The following FBXL17 variants were observed in gnomAD, a reference collection of about 807,000 sequenced individuals.
The protein encoded by FBXL17 is F-box and leucine rich repeat protein 17, also known as F-box/LRR-repeat protein 17.
A neutral mutation model predicts 66.2 loss-of-function variants in FBXL17; 22 were observed. That is an observed-to-expected ratio of 0.33 (90% CI 0.24 to 0.47). FBXL17 has a LOEUF of 0.47. FBXL17 is among the 20% of genes least tolerant of loss of function. FBXL17 has a pLI of 1.00. For missense variants in FBXL17, 878 were observed against 948.2 expected, an observed-to-expected ratio of 0.93 and a Z score of 0.97; for synonymous variants, 474 against 400.5, an observed-to-expected ratio of 1.18 and a Z score of -2.19.
At chr5:108,079,679 T>C (rs557973255) in intron 6 of FBXL17, among the ~76,000 whole-genome samples, 1 of 152,268 alleles carries the variant, frequency 6.6e-6, no homozygotes, top group East Asian at 1.9e-4. Flanking sequence ...ATAACCAATG[T>C]AGTTATAAAA....
chr5:107,922,251 T>C (rs533983188), intron 7 of FBXL17, among the ~76,000 whole-genome samples: 13 of 152,302 alleles, frequency 8.5e-5, no homozygotes, highest in African/African-American at 2.9e-4. Context: ...TACATTACAA[T>C]GTCTGAAAAA....
intron 7 of FBXL17, among the ~76,000 whole-genome samples, chr5:108,007,674 T>A (rs528342248): frequency 2.0e-4 from 31 of 152,174 alleles, no homozygotes; most frequent in Non-Finnish European, 4.3e-4. Flanking sequence ...CTACTAAATA[T>A]CAAGACCACA....
chr5:107,976,284 A>T (rs990168610), intron 7 of FBXL17, among the ~76,000 whole-genome samples: 4 of 152,216 alleles, frequency 2.6e-5, no homozygotes, highest in African/African-American at 9.6e-5. Context: ...CCTCAAACTA[A>T]CAATTACTGA....
chr5:108,369,677 T>C (rs1195915783), intron 1 of FBXL17, among the ~76,000 whole-genome samples: 1 of 151,716 alleles, frequency 6.6e-6, no homozygotes, highest in Non-Finnish European at 1.5e-5. Context: ...AGTTACATCA[T>C]AAAAAGATGG....
At chr5:108,046,554 T>C (rs372780762) in intron 6 of FBXL17, among the ~76,000 whole-genome samples, 1 of 152,212 alleles carries the variant, frequency 6.6e-6, no homozygotes, top group African/African-American at 2.4e-5. Context: ...TGGGGTTACA[T>C]GAACATTTTT....
intron 5 of FBXL17, among the ~76,000 whole-genome samples, chr5:108,207,616 T>A (rs533649862): frequency 6.6e-6 from 1 of 152,240 alleles, no homozygotes; most frequent in Non-Finnish European, 1.5e-5. Flanking sequence ...AGAATGATGG[T>A]TTGCAGTTTC....
At chr5:108,019,058 G>A (rs575765772) in intron 7 of FBXL17, among the ~76,000 whole-genome samples, 37 of 152,218 alleles carry the variant, frequency 2.4e-4, no homozygotes, top group African/African-American at 8.9e-4. Flanking sequence ...GGAAAGGAAA[G>A]GTGGCAGAAA....
chr5:108,123,051 G>A lies in FBXL17; in HGVS notation c.1745+63066C>T, dbSNP rs144303248. Among the ~76,000 whole-genome samples the A allele has an allele frequency of 9.7e-4, 145 of 150,254 alleles. 3 individuals carry two copies. In the East Asian group the frequency reaches 0.027, roughly 28 times the overall value. On this transcript the variant is annotated intron_variant, in intron 6 of 8. Transcript: ENST00000542267. ...TGTGATTTTTACTTTTTATTCTTTG[G>A]CTGCATATAAAATCTCCTACTTCTC...
chr5:108,269,891 G>T (rs1757196332), intron 4 of FBXL17, among the ~76,000 whole-genome samples: 1 of 151,894 alleles, frequency 6.6e-6, no homozygotes, highest in African/African-American at 2.4e-5. Flanking sequence ...TAAAACCTAG[G>T]TACTGCCCTA....
rs1013349887 is a variant in FBXL17 at position 108,290,610 on chromosome 5, T to A, written c.1506+57789A>T. 3.9e-5 allele frequency among the ~76,000 whole-genome samples: 6 copies of A among 152,178 alleles called. No individual in the cohort carries two copies. The East Asian group carries it at 1.2e-3, about 29-fold the overall frequency. On this transcript the variant is annotated intron_variant, in intron 4 of 8. Coordinates refer to ENST00000542267, the MANE Select transcript of FBXL17 (RefSeq NM_001163315.3). The stretch of plus-strand genomic sequence containing the variant: ...TTAATGGATTAATTTTGGGGGACTT[T>A]CTATTCAATCACAGAAATTACAGAA...
chr5:108,101,319 C>T (rs1749590766), intron 6 of FBXL17, among the ~76,000 whole-genome samples: 1 of 152,208 alleles, frequency 6.6e-6, no homozygotes, highest in African/African-American at 2.4e-5. Context: ...TCTCATTGAA[C>T]AATGCCATGG....
At chr5:108,221,336 T>C (rs1043425201) in intron 5 of FBXL17, among the ~76,000 whole-genome samples, 2 of 152,166 alleles carry the variant, frequency 1.3e-5, no homozygotes. Context: ...TCTAACCTAC[T>C]AAATTAGACT....
intron 6 of FBXL17, among the ~76,000 whole-genome samples, chr5:108,026,358 A>G (rs184268889): frequency 2.7e-4 from 41 of 152,340 alleles, no homozygotes; most frequent in Admixed American, 4.6e-4. Context: ...GGAACATGAC[A>G]GATGGTATCA....
chr5:108,214,060 G>C (rs1051416382), intron 5 of FBXL17, among the ~76,000 whole-genome samples: 1 of 152,148 alleles, frequency 6.6e-6, no homozygotes, highest in Non-Finnish European at 1.5e-5. Context: ...TACTTTGAAG[G>C]GGTGGGGAGA....
At chr5:108,011,578 C>A (rs1277033914) in intron 7 of FBXL17, among the ~76,000 whole-genome samples, 1 of 152,040 alleles carries the variant, frequency 6.6e-6, no homozygotes. Flanking sequence ...CCAAGGCGTA[C>A]AGGTCACTTG....
chr5:108,076,372 G>T (rs1358512023), intron 6 of FBXL17, among the ~76,000 whole-genome samples: 1 of 152,074 alleles, frequency 6.6e-6, no homozygotes, highest in African/African-American at 2.4e-5. Context: ...GTTTGTATCT[G>T]TTATATAATT....
At chr5:107,985,318 A>G (rs148562994) in intron 7 of FBXL17, among the ~76,000 whole-genome samples, 73 of 152,330 alleles carry the variant, frequency 4.8e-4, no homozygotes, top group African/African-American at 1.7e-3. Flanking sequence ...AGCATGCCAC[A>G]TCTAAGGATG....
At chr5:107,994,058 CAT>C (rs1430712131) in intron 7 of FBXL17, among the ~76,000 whole-genome samples, 2 of 152,014 alleles carry the variant, frequency 1.3e-5, no homozygotes, top group African/African-American at 2.4e-5. Flanking sequence ...ATTAATTCTA[CAT>C]GTTTTAAAAT....
chr5:108,355,261 T>A (rs1228100500), intron 3 of FBXL17, among the ~76,000 whole-genome samples: 1 of 21,888 alleles, frequency 4.6e-5, no homozygotes. Flanking sequence ...GATGAAAAAC[T>A]TTATTTATTT....
Sources: allele counts gnomAD v4.1 joint callset (sites outside exome capture counted in the v4.1 genomes callset), GRCh38; gene constraint gnomAD v4.1.1; transcripts MANE v1.5; gene names NCBI Gene and HGNC (gene_info 2026-07-23, HGNC 2026-07-21).